SEMG2: variants seen among roughly 807,000 people sequenced by gnomAD.
The protein encoded by SEMG2 is semenogelin 2.
Under a neutral mutation model 8.1 loss-of-function variants are expected in SEMG2, and 3 were observed. That is an observed-to-expected ratio of 0.37 (90% CI 0.17 to 0.96). The LOEUF is 0.96. Ranked by LOEUF, SEMG2 falls within the 40% of genes least tolerant of loss-of-function variation. SEMG2 has a pLI of 0.41. For synonymous variants in SEMG2, 252 were observed against 231.4 expected (o/e 1.09, Z -0.81); for missense variants, 726 against 671.2 (o/e 1.08, Z -0.90).
Position 45,222,787 on chromosome 20 carries a change from G to A in SEMG2, c.1155G>A (p.Lys385=), listed in dbSNP as rs773447668. 14 of 1,614,146 alleles carry A rather than the reference G, an allele frequency of 8.7e-6. No homozygotes were observed. The South Asian group carries it at 1.3e-4, about 15-fold the overall frequency. Residue 385 remains lysine, a synonymous_variant, in exon 2 of 3, where the codon AAG becomes AAA. Coordinates refer to ENST00000372769, the MANE Select transcript of SEMG2 (RefSeq NM_003008.3). ...SIQTEEQIHG[K]SQNQVRIPSQ... The stretch of plus-strand genomic sequence containing the variant: ...AAACTGAAGAGCAAATACATGGCAA[G>A]TCTCAAAACCAGGTAAGAATTCCTA...
In SEMG2 at chr20:45,222,631, T is replaced by C. The variant is rs780549227; in HGVS notation, c.999T>C (p.His333=). ...HGKSQNQVTI[H]SQDQEHGHKE... is the part of the protein sequence containing the mutation. ...AGTCTCAAAACCAGGTAACAATTCA[T>C]AGTCAAGATCAAGAGCATGGCCATA... is the stretch of plus-strand genomic sequence containing the variant. The change falls in exon 2 of 3, where the codon CAT becomes CAC. Residue 333 remains histidine (H), a synonymous_variant. Transcript: ENST00000372769. The C allele has an allele frequency of 6.2e-7, 1 of 1,613,076 alleles. No individual in the cohort carries two copies. Among genetic ancestry groups the C allele is most frequent in the Non-Finnish European group, 8.5e-7 (1 of 1,179,694 alleles).
Position 45,222,955 on chromosome 20 carries a change from A to G in SEMG2, c.1323A>G (p.Lys441=). 1 of 1,614,074 alleles carries G rather than the reference A, an allele frequency of 6.2e-7. No individual in the cohort carries two copies. Among genetic ancestry groups the G allele is most frequent in the Non-Finnish European group, 8.5e-7 (1 of 1,180,008 alleles). Residue 441 remains lysine (K), a synonymous_variant, in exon 2 of 3, where the codon AAA becomes AAG. Coordinates refer to ENST00000372769, the MANE Select transcript of SEMG2 (RefSeq NM_003008.3). ...KGSISIQTEE[K]IHGKSQNQVT... Reference sequence around the variant, plus strand: ...GTATTTCTATCCAAACTGAAGAGAAAATACATGGCAAGTCTCAAAACCAGG... The same window carrying G: ...GTATTTCTATCCAAACTGAAGAGAAGATACATGGCAAGTCTCAAAACCAGG...
In SEMG2 at chr20:45,221,957, T is replaced by C. The variant is rs1244365080; in HGVS notation, c.325T>C (p.Tyr109His). The stretch of plus-strand genomic sequence containing the variant: ...AGGTGGAAGTCAACAACTGCTCAAT[T>C]ATAAACAAGAAGGCAGAGACCATGA... ...HLGGSQQLLN[Y>H]KQEGRDHDKS... Residue 109 changes from tyrosine to histidine, a missense_variant, in exon 2 of 3, where the codon TAT (tyrosine) becomes CAT (histidine). Transcript: ENST00000372769. The C allele has an allele frequency of 9.9e-6, 16 of 1,613,646 alleles. No individual in the cohort carries two copies. The highest frequency in any genetic ancestry group is 1.3e-5 in the African/African-American group (1 of 75,014).
chr20:45,221,555 A>G, intron 1 of SEMG2, 90 bp downstream of exon 1: 1 of 1,469,068 alleles, frequency 6.8e-7, no homozygotes, highest in Non-Finnish European at 9.4e-7. Context: ...CTGTTCAGGC[A>G]CAGATTCTTC....
rs1355478477 is a variant in SEMG2, at chr20:45,223,200, CA to C, written c.1572del (p.Gly525GlufsTer33). 5.0e-6 allele frequency: 8 copies of C among 1,614,048 alleles called. No homozygotes were observed. The East Asian group carries it at 1.8e-4, about 36-fold the overall frequency. On this transcript the variant is annotated frameshift_variant, in exon 2 of 3. Transcript: ENST00000372769. LOFTEE classifies it low-confidence loss of function (END_TRUNC). ...CAAGATCAATGGTCTGGCCAAAATG[CA>C]AAAGGAAAGTCTGGTCAATCTGCAG... ...PNQDQWSGQN[A>X]KGKSGQSADS...
At position 45,223,444 on chromosome 20, in the gene SEMG2, C is replaced by T; in HGVS notation, c.*44+19C>T. 9.8e-6 allele frequency: 12 copies of T among 1,222,070 alleles called. No homozygotes were observed. The Middle Eastern group carries it at 2.2e-3, about 221-fold the overall frequency. The allele number at this position is 1,222,070 out of a possible 1,614,324, so 75.7% of individuals were successfully genotyped here. ...TAGCAAGGTAAGTTTGCTTTTCTTA[C>T]CAAATAGGAGAGGTGCCTGTCCCAA... On this transcript the variant is annotated intron_variant, in intron 2 of 2. Transcript: ENST00000372769.
Position 45,222,640 on chromosome 20 carries a change from T to G in SEMG2, c.1008T>G (p.Asp336Glu), listed in dbSNP as rs199506790. The change falls in exon 2 of 3, where the codon GAT becomes GAG. Residue 336 changes from aspartate (D) to glutamate (E), a missense_variant. Transcript: ENST00000372769. Reference sequence around the variant, plus strand: ...ACCAGGTAACAATTCATAGTCAAGATCAAGAGCATGGCCATAAGGAAAATA... The same window carrying G: ...ACCAGGTAACAATTCATAGTCAAGAGCAAGAGCATGGCCATAAGGAAAATA... ...SQNQVTIHSQ[D>E]QEHGHKENKI... is the part of the protein sequence containing the mutation. 4 of 1,613,646 alleles carry G rather than the reference T, an allele frequency of 2.5e-6. No individual in the cohort carries two copies. Among genetic ancestry groups the G allele is most frequent in the Non-Finnish European group, 3.4e-6 (4 of 1,179,924 alleles).
At chr20:45,221,579 T>A in intron 1 of SEMG2, 114 bp downstream of exon 1, 1 of 1,411,986 alleles carries the variant, frequency 7.1e-7, no homozygotes, top group Non-Finnish European at 9.7e-7. Context: ...TTGATGAGAA[T>A]TGATTTTTCT....
intron 1 of SEMG2, 91 bp downstream of exon 1, chr20:45,221,556 C>G (rs1984012919): frequency 1.4e-6 from 2 of 1,457,676 alleles, no homozygotes; most frequent in East Asian, 4.6e-5. Flanking sequence ...TGTTCAGGCA[C>G]AGATTCTTCT....
At position 45,222,197 on chromosome 20, in the gene SEMG2, G is replaced by A; in HGVS notation, c.565G>A (p.Gly189Arg). The A allele has an allele frequency of 6.2e-7, 1 of 1,614,112 alleles. No individual in the cohort carries two copies. The highest frequency in any genetic ancestry group is 1.6e-4 in the Middle Eastern group (1 of 6,062). ...TGCACAAAAAGGTAGAACACAAGGT[G>A]GATCCCAAAGCAGTTATGTTCTCCA... ...SGAQKGRTQG[G>R]SQSSYVLQTE... Residue 189 changes from glycine to arginine, a missense_variant, in exon 2 of 3, where the codon GGA (glycine) becomes AGA (arginine). Physicochemically the swap from Gly to Arg is moderately radical, Grantham distance 125 (BLOSUM62 -2). Coordinates refer to ENST00000372769, the MANE Select transcript of SEMG2 (RefSeq NM_003008.3).
In SEMG2 at chr20:45,222,632, A is replaced by G; in HGVS notation, c.1000A>G (p.Ser334Gly). The change falls in exon 2 of 3, where the codon AGT becomes GGT. Residue 334 changes from serine to glycine, a missense_variant. By Grantham distance (56) the Ser-to-Gly change is moderately conservative. Coordinates refer to ENST00000372769, the MANE Select transcript of SEMG2 (RefSeq NM_003008.3). ...GTCTCAAAACCAGGTAACAATTCAT[A>G]GTCAAGATCAAGAGCATGGCCATAA... Reference protein sequence around the residue: ...GKSQNQVTIHSQDQEHGHKEN... With the variant: ...GKSQNQVTIHGQDQEHGHKEN... The G allele has an allele frequency of 6.2e-7, 1 of 1,614,156 alleles. No homozygotes were observed. The highest frequency in any genetic ancestry group is 8.5e-7 in the Non-Finnish European group (1 of 1,180,026).
At position 45,222,466 on chromosome 20, in the gene SEMG2, G is replaced by A. The variant is rs1311792823; in HGVS notation, c.834G>A (p.Glu278=). The stretch of plus-strand genomic sequence containing the variant: ...CAAAAAATCTCAGTCAAGATCAAGA[G>A]CATGGCCGGAAGGCACATAAAATAT... ...HQTKNLSQDQ[E]HGRKAHKISY... Residue 278 remains glutamate, a synonymous_variant, in exon 2 of 3, where the codon GAG becomes GAA. Coordinates refer to ENST00000372769, the MANE Select transcript of SEMG2 (RefSeq NM_003008.3). 2 of 1,614,034 alleles carry A rather than the reference G, an allele frequency of 1.2e-6. No individual in the cohort carries two copies. Among genetic ancestry groups the A allele is most frequent in the Non-Finnish European group, 1.7e-6 (2 of 1,180,004 alleles).
chr20:45,222,049 A>C lies in SEMG2; in HGVS notation c.417A>C (p.Thr139=). The C allele has an allele frequency of 6.2e-7, 1 of 1,614,140 alleles. No individual in the cohort carries two copies. Among genetic ancestry groups the C allele is most frequent in the Non-Finnish European group, 8.5e-7 (1 of 1,179,996 alleles). The change falls in exon 2 of 3, where the codon ACA becomes ACC. Residue 139 remains threonine, a synonymous_variant. Transcript: ENST00000372769. ...HHKGGQAHHG[T]QNPSQDQGNS... is the part of the protein sequence containing the mutation. ...AAGGAGGCCAAGCTCATCATGGGAC[A>C]CAAAATCCTTCTCAAGATCAGGGGA...
rs1342732024 is a variant in SEMG2 at position 45,222,834 on chromosome 20, A to G, written c.1202A>G (p.His401Arg). The G allele has an allele frequency of 6.2e-7, 1 of 1,614,138 alleles. No homozygotes were observed. The highest frequency in any genetic ancestry group is 2.2e-5 in the East Asian group (1 of 44,878). ...RIPSQAQEYG[H>R]KENKISYQSS... is the part of the protein sequence containing the mutation. ...CCTAGTCAAGCTCAAGAGTATGGCC[A>G]TAAGGAAAATAAAATATCATACCAA... The change falls in exon 2 of 3, where the codon CAT (histidine) becomes CGT (arginine). Residue 401 changes from histidine to arginine, a missense_variant. By Grantham distance (29) the His-to-Arg change is conservative. Transcript: ENST00000372769.
Position 45,221,434 on chromosome 20 carries a change from G to A in SEMG2, c.45G>A (p.Leu15=). 1 of 1,614,090 alleles carries A rather than the reference G, an allele frequency of 6.2e-7. No individual in the cohort carries two copies. Among genetic ancestry groups the A allele is most frequent in the Non-Finnish European group, 8.5e-7 (1 of 1,179,988 alleles). ...TTGTCCTTTCCCTGCTCCTTATCTT[G>A]GAGAAGCAAGCAGCTGTGATGGGAC... ...ILFVLSLLLI[L]EKQAAVMGQK... is the part of the protein sequence containing the mutation. The change falls in exon 1 of 3, where the codon TTG becomes TTA. Residue 15 remains leucine (L), a synonymous_variant. Transcript: ENST00000372769.
chr20:45,223,496 A>G, intron 2 of SEMG2, 71 bp downstream of exon 2: 1 of 652,420 alleles, frequency 1.5e-6, no homozygotes. Context: ...GGAACATGGT[A>G]GGACTGATAA....
Position 45,221,840 on chromosome 20 carries a change from C to G in SEMG2, c.208C>G (p.His70Asp). ...KGSFSIQHTY[H>D]VDINDHDWTR... is the part of the protein sequence containing the mutation. ...CAGTTTTTCTATTCAACACACATAT[C>G]ATGTAGACATCAATGATCATGACTG... Residue 70 changes from histidine (H) to aspartate (D), a missense_variant, in exon 2 of 3, where the codon CAT becomes GAT. Physicochemically the swap from His to Asp is moderately conservative, Grantham distance 81 (BLOSUM62 -1). Coordinates refer to ENST00000372769, the MANE Select transcript of SEMG2 (RefSeq NM_003008.3). The G allele has an allele frequency of 6.2e-7, 1 of 1,614,168 alleles. No individual in the cohort carries two copies. Among genetic ancestry groups the G allele is most frequent in the Non-Finnish European group, 8.5e-7 (1 of 1,179,996 alleles).
In SEMG2 at chr20:45,222,232, A is replaced by G. The variant is rs1984034105; in HGVS notation, c.600A>G (p.Glu200=). The change falls in exon 2 of 3, where the codon GAA becomes GAG. Residue 200 remains glutamate, a synonymous_variant. Transcript: ENST00000372769. ...GCAGTTATGTTCTCCAAACTGAAGA[A>G]CTAGTAGTTAACAAACAACAACGTG... is the stretch of plus-strand genomic sequence containing the variant. ...SQSSYVLQTE[E]LVVNKQQRET... 3 of 1,614,194 alleles carry G rather than the reference A, an allele frequency of 1.9e-6. No individual in the cohort carries two copies. Among genetic ancestry groups the G allele is most frequent in the Non-Finnish European group, 2.5e-6 (3 of 1,180,014 alleles).
chr20:45,223,832 C>T (rs1031108105), intron 2 of SEMG2, among the ~76,000 whole-genome samples: 5 of 152,116 alleles, frequency 3.3e-5, no homozygotes, highest in African/African-American at 1.2e-4. Context: ...TTTCTTTCTG[C>T]ACATACATGA....
Sources: allele counts gnomAD v4.1 joint callset (sites outside exome capture counted in the v4.1 genomes callset), GRCh38; gene constraint gnomAD v4.1.1; transcripts MANE v1.5; gene names NCBI Gene and HGNC (gene_info 2026-07-23, HGNC 2026-07-21).